The following EPM2A variants were observed in gnomAD, a reference collection of about 807,000 sequenced individuals.
The protein encoded by EPM2A is laforin.
Under a neutral mutation model 26.5 loss-of-function variants are expected in EPM2A, and 21 were observed. That is an observed-to-expected ratio of 0.79 (90% CI 0.56 to 1.14). EPM2A has a LOEUF of 1.14. Among genes scored for constraint, EPM2A ranks in the 50% most tolerant of loss-of-function variants. EPM2A has a pLI of 0.00. For missense variants in EPM2A, 458 were observed against 440.8 expected (o/e 1.04, Z -0.35); for synonymous variants, 217 against 177.6 (o/e 1.22, Z -1.76).
intron 2 of EPM2A, among the ~76,000 whole-genome samples, chr6:145,536,247 T>TTTTTTGTTTTAGTTTTTG (rs1395518414): frequency 1.5e-5 from 1 of 65,454 alleles, no homozygotes; most frequent in African/African-American, 4.5e-5. Context: ...CCCAGGTTGG[T>TTTTTTGTTTTAGTTTTTG]TTTTTGTTTT....
intron 4 of EPM2A, among the ~76,000 whole-genome samples, chr6:145,487,560 T>C (rs865784140): frequency 6.6e-6 from 1 of 152,332 alleles, no homozygotes; most frequent in Middle Eastern, 3.4e-3. Context: ...TGGTATCACA[T>C]GGTAGTTTTG....
chr6:145,518,937 A>C (rs424263), intron 2 of EPM2A, among the ~76,000 whole-genome samples: 68,424 of 151,988 alleles, frequency 0.45, 15,445 homozygotes, highest in South Asian at 0.58. Flanking sequence ...AAAGGTGGAG[A>C]AGCAGTGAGA....
chr6:145,469,604 A>G (rs1270734426), intron 4 of EPM2A, among the ~76,000 whole-genome samples: 4 of 152,140 alleles, frequency 2.6e-5, no homozygotes, highest in Non-Finnish European at 5.9e-5. Context: ...TACTATAAAG[A>G]ACAGTTTGGA....
intron 2 of EPM2A, among the ~76,000 whole-genome samples, chr6:145,547,202 A>C (rs891138075): frequency 6.6e-6 from 1 of 152,126 alleles, no homozygotes; most frequent in African/African-American, 2.4e-5. Context: ...ACTTTTCAAC[A>C]GTTTCAAATT....
At chr6:145,732,348 A>T (rs2328706) in intron 1 of EPM2A, among the ~76,000 whole-genome samples, 1 of 151,862 alleles carries the variant, frequency 6.6e-6, no homozygotes, top group South Asian at 2.1e-4. Flanking sequence ...CTTTCTATGT[A>T]ACAGAAAGTC....
At chr6:145,637,300 T>A (rs1446322406) in intron 2 of EPM2A, 1 of 152,206 alleles carries the variant, frequency 6.6e-6, no homozygotes, top group Non-Finnish European at 1.5e-5. Flanking sequence ...CTTTTTTTGT[T>A]TTTTGCTTTT....
intron 2 of EPM2A, among the ~76,000 whole-genome samples, chr6:145,548,336 A>G (rs1317691840): frequency 1.3e-5 from 2 of 152,112 alleles, no homozygotes; most frequent in African/African-American, 4.8e-5. Flanking sequence ...TCTAACTTCT[A>G]TTAAGAGCCC....
chr6:145,557,673 A>G lies in EPM2A; in HGVS notation c.341-55098T>C, dbSNP rs1780747283. On this transcript the variant is annotated intron_variant, in intron 2 of 3. Coordinates refer to the EPM2A transcript ENST00000450221. ...ACATGTTGTTTTGAAATATGTATAC[A>G]TTGCATCATAGCTAATTCAAGAAAA... Among the ~76,000 whole-genome samples, 3 of 152,228 alleles carry G rather than the reference A, an allele frequency of 2.0e-5. No homozygotes were observed. The South Asian group carries it at 6.2e-4, about 32-fold the overall frequency.
intron 3 of EPM2A, chr6:145,630,416 C>A (rs542900107): frequency 6.6e-6 from 1 of 152,164 alleles, no homozygotes; most frequent in South Asian, 2.1e-4. Flanking sequence ...AGTTCGAGAC[C>A]AGTCTGGCCA....
intron 4 of EPM2A, among the ~76,000 whole-genome samples, chr6:145,417,483 T>A (rs1778724656): frequency 6.6e-6 from 1 of 152,114 alleles, no homozygotes. Flanking sequence ...ATTCAGTAAG[T>A]GTGTTTTCAT....
chr6:145,717,128 T>C (rs568113987), intron 1 of EPM2A, among the ~76,000 whole-genome samples: 23 of 152,264 alleles, frequency 1.5e-4, no homozygotes, highest in Admixed American at 1.4e-3. Flanking sequence ...GAGGCCAGCA[T>C]CATCCTGATA....
chr6:145,568,487 T>C (rs1780913763), intron 2 of EPM2A, among the ~76,000 whole-genome samples: 1 of 152,074 alleles, frequency 6.6e-6, no homozygotes. Context: ...CACGCCCAGC[T>C]AATTTTTGTA....
At chr6:145,664,391 C>T (rs1778987123) in intron 2 of EPM2A, among the ~76,000 whole-genome samples, 1 of 125,756 alleles carries the variant, frequency 8.0e-6, no homozygotes, top group Admixed American at 8.7e-5. Flanking sequence ...GACTTTAAAC[C>T]AACAAAGATC....
chr6:145,494,953 ATG>A (rs371197378), intron 4 of EPM2A, among the ~76,000 whole-genome samples: 3 of 152,212 alleles, frequency 2.0e-5, no homozygotes, highest in African/African-American at 7.2e-5. Context: ...AATGAGAAGA[ATG>A]TATATTCTGT....
chr6:145,646,676 T>C (rs188916072), intron 2 of EPM2A, among the ~76,000 whole-genome samples: 46 of 152,278 alleles, frequency 3.0e-4, no homozygotes, highest in African/African-American at 9.4e-4. Flanking sequence ...TATACACTCC[T>C]AGATATCTCA....
At chr6:145,678,692 A>G (rs1780257204) in intron 2 of EPM2A, among the ~76,000 whole-genome samples, 1 of 152,210 alleles carries the variant, frequency 6.6e-6, no homozygotes, top group African/African-American at 2.4e-5. Flanking sequence ...AATCAAAACC[A>G]CAATGAGATA....
At chr6:145,639,926 T>C (rs1227010520) in intron 2 of EPM2A, 3 of 152,232 alleles carry the variant, frequency 2.0e-5, no homozygotes, top group African/African-American at 7.2e-5. Flanking sequence ...AAATAAAATC[T>C]ACCCTAGTAG....
intron 2 of EPM2A, among the ~76,000 whole-genome samples, chr6:145,642,354 A>C (rs190310862): frequency 6.6e-6 from 1 of 152,194 alleles, no homozygotes; most frequent in Non-Finnish European, 1.5e-5. Context: ...TGAATTAGGA[A>C]GCACAAAAGA....
intron 2 of EPM2A, among the ~76,000 whole-genome samples, chr6:145,511,921 A>G (rs984598415): frequency 2.0e-5 from 3 of 152,244 alleles, no homozygotes; most frequent in South Asian, 4.1e-4. Flanking sequence ...AAGTCTCAAG[A>G]TACAAAATAA....
Sources: gnomAD v4.1 joint callset for allele counts (sites outside exome capture counted in the v4.1 genomes callset) on GRCh38, gnomAD v4.1.1 for gene constraint, MANE v1.5 for transcripts, NCBI Gene and HGNC (gene_info 2026-07-23, HGNC 2026-07-21) for gene names.